Variants in C6orf89 observed in about 807,000 individuals in gnomAD.
C6orf89 encodes chromosome 6 open reading frame 89.
A neutral mutation model predicts 40.7 loss-of-function variants in C6orf89; 29 were observed. The ratio of observed to expected loss-of-function variants is 0.71; its 90% CI spans 0.53 to 0.97. The LOEUF is 0.97. Among genes scored for constraint, C6orf89 ranks in the 50% least tolerant of loss-of-function variants. The probability of loss-of-function intolerance (pLI) is 0.00; values close to 1 mark genes in which losing one functional copy is unlikely to be tolerated. For missense variants in C6orf89, 392 were observed against 429.1 expected (o/e 0.91, Z 0.76); for synonymous variants, 165 against 152.2 (o/e 1.08, Z -0.62).
chr6:36,910,977 TTC>T (rs1762105260), intron 4 of C6orf89, among the ~76,000 whole-genome samples: 2 of 152,224 alleles, frequency 1.3e-5, no homozygotes, highest in African/African-American at 4.8e-5. Context: ...CCTTATTAAA[TTC>T]TCTTTTTAGT....
At chr6:36,878,517 G>A (rs1396527848) in intron 1 of C6orf89, among the ~76,000 whole-genome samples, 1 of 152,204 alleles carries the variant, frequency 6.6e-6, no homozygotes, top group Admixed American at 6.5e-5. Flanking sequence ...GGCTATTTAT[G>A]CCATAGGGTT....
In C6orf89 at chr6:36,927,956, A is replaced by G. The variant is rs1762740018; in HGVS notation, c.*4515A>G. ...GTCCACCCACCGTGGACGCAGTGTG[A>G]CTAAATGCTGGCCTTGAAGAGAAAC... On this transcript the variant is annotated 3_prime_UTR_variant, in exon 9 of 9. Transcript: ENST00000480824. 1 of 152,266 alleles carries G rather than the reference A, an allele frequency of 6.6e-6. No homozygotes were observed. The highest frequency in any genetic ancestry group is 6.5e-5 in the Admixed American group (1 of 15,282). 9.4% of individuals were successfully genotyped at this position (152,266 alleles called of 1,614,324 possible). A position where few individuals can be genotyped will look rare whatever the true frequency, so the allele number is the denominator to read the frequency against.
At chr6:36,887,695 TA>T (rs1212839492) in intron 1 of C6orf89, among the ~76,000 whole-genome samples, 1 of 152,152 alleles carries the variant, frequency 6.6e-6, no homozygotes, top group Non-Finnish European at 1.5e-5. Context: ...GACCAGATCA[TA>T]AAGGGCCATG....
rs758281292 is a variant in C6orf89, at chr6:36,916,555, A to G, written c.806A>G (p.Glu269Gly). 10 of 1,614,182 alleles carry G rather than the reference A, an allele frequency of 6.2e-6. No individual in the cohort carries two copies. In the South Asian group the frequency reaches 1.1e-4, roughly 18 times the overall value. ...AACAAGTGCTCCTTTCTTCACCCAG[A>G]ACCTGTTGTGGGGAGTAAGGTAGGA... is the stretch of plus-strand genomic sequence containing the variant. ...SLNKCSFLHP[E>G]PVVGSKMHKM... The change falls in exon 7 of 9, where the codon GAA (glutamate) becomes GGA (glycine). Residue 269 changes from glutamate to glycine, a missense_variant. Transcript: ENST00000480824.
chr6:36,901,942 A>G (rs1264631337), intron 3 of C6orf89, among the ~76,000 whole-genome samples: 1 of 152,178 alleles, frequency 6.6e-6, no homozygotes, highest in Non-Finnish European at 1.5e-5. Flanking sequence ...AAGTGCTGGG[A>G]TTACAGGCGA....
At chr6:36,885,861 G>T, upstream of C6orf89, 1 of 514,724 alleles carries the variant, frequency 1.9e-6, no homozygotes, top group Non-Finnish European at 3.0e-6. Context: ...TCTGTTTTGG[G>T]CGGAAGCGCT....
chr6:36,911,335 C>G (rs541807691), intron 4 of C6orf89, among the ~76,000 whole-genome samples: 1 of 151,966 alleles, frequency 6.6e-6, no homozygotes, highest in Non-Finnish European at 1.5e-5. Context: ...ACTAAAAATA[C>G]AAAAATGAGC....
At chr6:36,921,913 AGCT>A (rs1762524042) in intron 8 of C6orf89, among the ~76,000 whole-genome samples, 1 of 152,180 alleles carries the variant, frequency 6.6e-6, no homozygotes, top group Non-Finnish European at 1.5e-5. Context: ...CTGTAGTTCC[AGCT>A]ACTCAGGAAG....
At chr6:36,887,200 C>T (rs1003410341) in intron 1 of C6orf89, among the ~76,000 whole-genome samples, 2 of 152,010 alleles carry the variant, frequency 1.3e-5, no homozygotes, top group Non-Finnish European at 2.9e-5. Context: ...CTGCAAGCTC[C>T]GCCTCCCCGG....
chr6:36,906,050 T>A (rs1426867580), intron 4 of C6orf89, among the ~76,000 whole-genome samples: 1 of 152,232 alleles, frequency 6.6e-6, no homozygotes, highest in Non-Finnish European at 1.5e-5. Context: ...AAAAATAACA[T>A]ATTCATTTCT....
At chr6:36,897,185 T>C (rs1162264141) in intron 2 of C6orf89, among the ~76,000 whole-genome samples, 1 of 151,496 alleles carries the variant, frequency 6.6e-6, no homozygotes, top group Non-Finnish European at 1.5e-5. Flanking sequence ...CATTTTCTCA[T>C]TTGTGGATAT....
intron 4 of C6orf89, among the ~76,000 whole-genome samples, chr6:36,911,838 G>T (rs140729739): frequency 1.2e-3 from 186 of 151,904 alleles, no homozygotes; most frequent in African/African-American, 4.3e-3. Flanking sequence ...GCTCCTTGGG[G>T]CTGTAGATTT....
intron 4 of C6orf89, among the ~76,000 whole-genome samples, chr6:36,908,456 A>T (rs1006421724): frequency 3.0e-4 from 42 of 141,142 alleles, no homozygotes; most frequent in African/African-American, 1.1e-3. Context: ...TTTGATATTT[A>T]AAAATACTTA....
intron 7 of C6orf89, among the ~76,000 whole-genome samples, chr6:36,917,170 A>G (rs1319584900): frequency 6.6e-6 from 1 of 152,202 alleles, no homozygotes; most frequent in East Asian, 1.9e-4. Flanking sequence ...CCAAGGACAC[A>G]CCCTTTACCC....
intron 4 of C6orf89, among the ~76,000 whole-genome samples, chr6:36,913,843 A>G (rs1447541439): frequency 6.8e-6 from 1 of 146,530 alleles, no homozygotes; most frequent in South Asian, 2.2e-4. Context: ...AGCGGTCTCC[A>G]GTGCTTATCA....
chr6:36,885,918 T>TG (rs574912891), upstream of C6orf89: 542 of 1,021,254 alleles, frequency 5.3e-4, 1 homozygote, highest in African/African-American at 6.5e-3. Flanking sequence ...CGCCCAGGAG[T>TG]GGGGGGTTGC....
At chr6:36,903,701 C>G (rs1379591068) in intron 4 of C6orf89, among the ~76,000 whole-genome samples, 3 of 152,082 alleles carry the variant, frequency 2.0e-5, no homozygotes, top group African/African-American at 4.8e-5. Context: ...TCTTTAAGAT[C>G]TAATGAGTCA....
At chr6:36,888,425 A>G (rs1407704195) in intron 1 of C6orf89, among the ~76,000 whole-genome samples, 3 of 152,166 alleles carry the variant, frequency 2.0e-5, no homozygotes, top group Admixed American at 1.3e-4. Context: ...TGAGGTCAGG[A>G]GTTCAAGACC....
intron 4 of C6orf89, among the ~76,000 whole-genome samples, chr6:36,904,295 G>A (rs868531507): frequency 3.8e-4 from 58 of 152,294 alleles, no homozygotes; most frequent in African/African-American, 1.3e-3. Flanking sequence ...TAAACAAGCT[G>A]GATTATTTGG....
Sources: gnomAD v4.1 joint callset for allele counts (sites outside exome capture counted in the v4.1 genomes callset) on GRCh38, gnomAD v4.1.1 for gene constraint, MANE v1.5 for transcripts, NCBI Gene and HGNC (gene_info 2026-07-23, HGNC 2026-07-21) for gene names.